Variants in ABCC2 observed in about 807,000 individuals in gnomAD.
ABCC2 encodes ATP binding cassette subfamily C member 2.
A neutral mutation model predicts 173.4 loss-of-function variants in ABCC2; 157 were observed. The observed-to-expected ratio is 0.91, with a 90% CI of 0.80 to 1.03. The LOEUF is 1.03. Ranked by LOEUF, ABCC2 falls within the 50% of genes least tolerant of loss-of-function variation. The pLI is 0.00. For synonymous variants in ABCC2, 657 were observed against 693.5 expected (o/e 0.95, Z 0.83); for missense variants, 1,822 against 1,852.3 (o/e 0.98, Z 0.30).
intron 29 of ABCC2, among the ~76,000 whole-genome samples, chr10:99,846,180 T>G (rs2039014627): frequency 6.6e-6 from 1 of 152,228 alleles, no homozygotes; most frequent in Admixed American, 6.5e-5. Flanking sequence ...TTGCTGCAGG[T>G]TTCTGCCAGC....
chr10:99,814,434 TATACACACATATGTGTGTATATAC>T (rs780675498), intron 16 of ABCC2, among the ~76,000 whole-genome samples: 2,542 of 123,570 alleles, frequency 0.021, 759 homozygotes, highest in African/African-American at 0.048. Flanking sequence ...CATATATGTG[TATACACACATATGTGTGTATATAC>T]ATACACACAT....
intron 23 of ABCC2, among the ~76,000 whole-genome samples, chr10:99,832,476 G>A (rs953529671): frequency 1.3e-5 from 2 of 152,162 alleles, no homozygotes; most frequent in African/African-American, 4.8e-5. Flanking sequence ...GATAAAGGTG[G>A]GAAATGTCAG....
chr10:99,846,964 C>A lies in ABCC2; in HGVS notation c.4150C>A (p.Pro1384Thr). 1 of 1,614,122 alleles carries A rather than the reference C, an allele frequency of 6.2e-7. No individual in the cohort carries two copies. Among genetic ancestry groups the A allele is most frequent in the Non-Finnish European group, 8.5e-7 (1 of 1,180,012 alleles). The change falls in exon 30 of 32, where the codon CCC becomes ACC. Residue 1384 changes from proline to threonine, a missense_variant. By Grantham distance (38) the Pro-to-Thr change is conservative. Transcript: ENST00000647814. ...CCCCTTGTCCTTTCACTTGCAGGAC[C>A]CCATCCTGTTCTCTGGAAGCCTGAG... ...REKLTIIPQD[P>T]ILFSGSLRMN...
rs772719042 is a variant in ABCC2 at position 99,836,132 on chromosome 10, C to T, written c.3456C>T (p.Asp1152=). 1 of 1,614,182 alleles carries T rather than the reference C, an allele frequency of 6.2e-7. No homozygotes were observed. Among genetic ancestry groups the T allele is most frequent in the South Asian group, 1.1e-5 (1 of 91,084 alleles). The part of the protein sequence containing the change: ...VSTSRQLRRL[D]SVTRSPIYSH... ...CCTCCCGCCAGCTGAGGCGTCTGGA[C>T]TCTGTCACCAGGTCCCCAATCTACT... The change falls in exon 25 of 32, where the codon GAC becomes GAT. Residue 1152 remains aspartate (D), a synonymous_variant. Transcript: ENST00000647814.
chr10:99,806,884 A>G (rs992323250), intron 11 of ABCC2, among the ~76,000 whole-genome samples: 4 of 152,228 alleles, frequency 2.6e-5, no homozygotes, highest in African/African-American at 4.8e-5. Flanking sequence ...TTAATTCTCC[A>G]CACAGAGCTC....
intron 12 of ABCC2, among the ~76,000 whole-genome samples, chr10:99,807,725 G>A (rs1435467092): frequency 1.3e-5 from 2 of 152,194 alleles, no homozygotes; most frequent in Non-Finnish European, 2.9e-5. Context: ...TGTACTGTAC[G>A]ATGGTCTGGC....
rs201254228 is a variant in ABCC2 at position 99,843,766 on chromosome 10, A to G, written c.3742-33A>G. On this transcript the variant is annotated intron_variant, in intron 26 of 31. Coordinates refer to ENST00000647814, the MANE Select transcript of ABCC2 (RefSeq NM_000392.5). ...AGTGGTTGAGTTGGTTTCTGTGCCT[A>G]TGATGATTTTCAGTCTTCTGGTTTT... 1.1e-3 allele frequency: 1,761 copies of G among 1,581,602 alleles called. 2 individuals carry two copies. Among genetic ancestry groups the G allele is most frequent in the Non-Finnish European group, 1.4e-3 (1,636 of 1,150,414 alleles).
intron 30 of ABCC2, among the ~76,000 whole-genome samples, chr10:99,848,171 A>G (rs2039044473): frequency 1.3e-5 from 2 of 152,218 alleles, no homozygotes; most frequent in African/African-American, 4.8e-5. Flanking sequence ...CCACTGATCT[A>G]AAGAGCATGC....
At position 99,830,332 on chromosome 10, in the gene ABCC2, C is replaced by G. The variant is rs751093497; in HGVS notation, c.2646C>G (p.Asp882Glu). ...ATVHDGSEEEDDDYGLISSVE... is the reference protein window; with the variant it reads ...ATVHDGSEEEEDDYGLISSVE... ...TCCATGATGGCAGTGAAGAAGAAGA[C>G]GATGACTATGGGCTGATATCCAGTG... The change falls in exon 20 of 32, where the codon GAC becomes GAG. Residue 882 changes from aspartate (D) to glutamate (E), a missense_variant. Asp to Glu is a conservative substitution (Grantham distance 45, BLOSUM62 2). Coordinates refer to ENST00000647814, the MANE Select transcript of ABCC2 (RefSeq NM_000392.5). The G allele has an allele frequency of 1.2e-6, 2 of 1,614,126 alleles. No homozygotes were observed. The highest frequency in any genetic ancestry group is 1.1e-5 in the South Asian group (1 of 91,076).
At position 99,845,783 on chromosome 10, in the gene ABCC2, G is replaced by A; in HGVS notation, c.4146+1G>A. The stretch of plus-strand genomic sequence containing the variant: ...AGAGAAGCTGACCATCATCCCCCAG[G>A]TGAGCTCTAGAACTTACTCGGGCAC... On this transcript the variant is annotated splice_donor_variant, in intron 29 of 31. Transcript: ENST00000647814. LOFTEE classifies it high-confidence loss of function. 1.2e-6 allele frequency: 2 copies of A among 1,609,830 alleles called. No individual in the cohort carries two copies. Among genetic ancestry groups the A allele is most frequent in the South Asian group, 1.1e-5 (1 of 90,086 alleles).
At chr10:99,807,647 G>C in intron 12 of ABCC2, 126 bp downstream of exon 12, 7 of 1,388,890 alleles carry the variant, frequency 5.0e-6, no homozygotes, top group Non-Finnish European at 7.1e-6. Flanking sequence ...CAGGGGACTT[G>C]TCCCTCTCAC....
rs1278977011 is a variant in ABCC2 at position 99,830,725 on chromosome 10, C to T, written c.2757C>T (p.Ser919=). 6.2e-7 allele frequency: 1 copy of T among 1,614,068 alleles called. No individual in the cohort carries two copies. The highest frequency in any genetic ancestry group is 8.5e-7 in the Non-Finnish European group (1 of 1,180,020). Residue 919 remains serine (S), a synonymous_variant, in exon 21 of 32, where the codon TCC becomes TCT. Transcript: ENST00000647814. Reference sequence around the variant, plus strand: ...AGCTTCCCTCTCTCAGTTCTAGGTCCAATGGCAGGCATCTGAAGTCCCTGA... The same window carrying T: ...AGCTTCCCTCTCTCAGTTCTAGGTCTAATGGCAGGCATCTGAAGTCCCTGA... ...FRRTLSRSSR[S]NGRHLKSLRN... is the part of the protein sequence containing the mutation.
rs753952091 is a variant in ABCC2, at chr10:99,843,897, T to C, written c.3840T>C (p.Asn1280=). ...TAACTGAGTACACAAAAGTGGAAAATGAGGTAAGGAGGAACTGGAAAAATC... is the reference window on the plus strand; with the variant it reads ...TAACTGAGTACACAAAAGTGGAAAACGAGGTAAGGAGGAACTGGAAAAATC... ...ERITEYTKVE[N]EAPWVTDKRP... Residue 1280 remains asparagine, a synonymous_variant, in exon 27 of 32, where the codon AAT becomes AAC. Transcript: ENST00000647814. 6 of 1,613,224 alleles carry C rather than the reference T, an allele frequency of 3.7e-6. No individual in the cohort carries two copies. The East Asian group carries it at 1.3e-4, about 36-fold the overall frequency.
At chr10:99,814,088 T>C (rs1184810227) in intron 16 of ABCC2, among the ~76,000 whole-genome samples, 1 of 96,568 alleles carries the variant, frequency 1.0e-5, no homozygotes, top group Admixed American at 9.9e-5. Context: ...TATGTGTATA[T>C]ACACATATAT....
intron 2 of ABCC2, among the ~76,000 whole-genome samples, chr10:99,786,897 G>C (rs2037720589): frequency 6.6e-6 from 1 of 152,074 alleles, no homozygotes; most frequent in Non-Finnish European, 1.5e-5. Flanking sequence ...CAGCTACTCA[G>C]GAGACTGAGG....
At chr10:99,830,891 A>G in intron 21 of ABCC2, 40 bp downstream of exon 21, 1 of 1,612,650 alleles carries the variant, frequency 6.2e-7, no homozygotes, top group Non-Finnish European at 8.5e-7. Flanking sequence ...AGGTGTTATA[A>G]GGTTTAGAAC....
rs145486802 is a variant in ABCC2 at position 99,818,846 on chromosome 10, C to T, written c.2328C>T (p.Tyr776=). 307 of 1,614,150 alleles carry T rather than the reference C, an allele frequency of 1.9e-4. No homozygotes were observed. Among genetic ancestry groups the T allele is most frequent in the Non-Finnish European group, 2.5e-4 (290 of 1,180,036 alleles). ...KQRISLARAT[Y]QNLDIYLLDD... Reference sequence around the variant, plus strand: ...GGATCAGCCTGGCCAGAGCTACCTACCAAAATTTAGACATCTATCTTCTAG... The same window carrying T: ...GGATCAGCCTGGCCAGAGCTACCTATCAAAATTTAGACATCTATCTTCTAG... Residue 776 remains tyrosine, a synonymous_variant, in exon 18 of 32, where the codon TAC becomes TAT. Transcript: ENST00000647814.
At chr10:99,845,879 T>C in intron 29 of ABCC2, 97 bp downstream of exon 29, 1 of 1,327,922 alleles carries the variant, frequency 7.5e-7, no homozygotes, top group Non-Finnish European at 1.1e-6. Flanking sequence ...CAGTCAGCAC[T>C]GTCAATTCCA....
intron 30 of ABCC2, among the ~76,000 whole-genome samples, chr10:99,848,492 G>A (rs72838141): frequency 0.055 from 8,353 of 152,234 alleles, 251 homozygotes; most frequent in Middle Eastern, 0.18. Context: ...GGAATAGGCC[G>A]TTGGCAAGTT....
Sources: allele counts gnomAD v4.1 joint callset (sites outside exome capture counted in the v4.1 genomes callset), GRCh38; gene constraint gnomAD v4.1.1; transcripts MANE v1.5; gene names NCBI Gene and HGNC (gene_info 2026-07-23, HGNC 2026-07-21).